NAV1: variants seen among roughly 807,000 people sequenced by gnomAD.
NAV1 encodes the protein neuron navigator 1.
Under a neutral mutation model 175.2 loss-of-function variants are expected in NAV1, and 18 were observed. That is an observed-to-expected ratio of 0.10 (90% CI 0.07 to 0.15). The LOEUF (loss-of-function observed/expected upper bound fraction) is 0.15. Among genes scored for constraint, NAV1 ranks in the 10% least tolerant of loss-of-function variants. The probability of loss-of-function intolerance (pLI) is 1.00; values close to 1 mark genes in which losing one functional copy is unlikely to be tolerated. For synonymous variants in NAV1, 897 were observed against 978.7 expected (o/e 0.92, Z 1.56); for missense variants, 1,731 against 2,436.6 (o/e 0.71, Z 6.10).
intron 3 of NAV1, among the ~76,000 whole-genome samples, chr1:201,761,329 G>C (rs1674827538): frequency 6.6e-6 from 1 of 152,194 alleles, no homozygotes; most frequent in South Asian, 2.1e-4. Context: ...TTTGGTTTGT[G>C]GTGGGAAGCT....
In NAV1 at chr1:201,539,910, A is replaced by G. The variant is rs1665455066; in HGVS notation, c.-144+568A>G. ...AAGCGCCCTCCCGCCAATCTCCCGG[A>G]GGCCGTCCTCTCTGGCGCCCGCCCA... On this transcript the variant is annotated intron_variant, in intron 1 of 33. Transcript: ENST00000685211. The surrounding 1 kb of genome is among the most constrained non-coding windows in gnomAD (Gnocchi z 5.6). 6.6e-6 allele frequency among the ~76,000 whole-genome samples: 1 copy of G among 152,110 alleles called. No individual in the cohort carries two copies. Among genetic ancestry groups the G allele is most frequent in the African/African-American group, 2.4e-5 (1 of 41,428 alleles).
intron 3 of NAV1, among the ~76,000 whole-genome samples, chr1:201,737,827 G>T (rs752371233): frequency 6.6e-6 from 1 of 152,204 alleles, no homozygotes; most frequent in Non-Finnish European, 1.5e-5. Context: ...CATTCCTTTG[G>T]CTGAGACAAA....
exon 15 of NAV1, chr1:201,794,567 C>T: frequency 6.2e-7 from 1 of 1,613,612 alleles, no homozygotes; most frequent in Non-Finnish European, 8.5e-7. Context: ...CCTCAGAAAC[C>T]ACACCCAAAG....
Position 201,750,507 on chromosome 1 carries a change from C to A in NAV1, c.1227-29914C>A, listed in dbSNP as rs566858207. 1.3e-4 allele frequency among the ~76,000 whole-genome samples: 20 copies of A among 152,164 alleles called. 1 individual carries two copies. Among genetic ancestry groups the A allele is most frequent in the Admixed American group, 1.2e-3 (19 of 15,266 alleles). ...TAAAATGTTAGTAAAAACGATTGCT[C>A]TTCTTAAAAAAGGGCTTGCAAGCCA... is the stretch of plus-strand genomic sequence containing the variant. On this transcript the variant is annotated intron_variant, in intron 3 of 29. Transcript: ENST00000367296. The surrounding 1 kb of genome is among the most constrained non-coding windows in gnomAD (Gnocchi z 4.1).
rs149017013 is a variant in NAV1 at position 201,717,058 on chromosome 1, A to G, written c.861-1332A>G. On this transcript the variant is annotated intron_variant, in intron 2 of 29. Coordinates refer to ENST00000367296, the Ensembl canonical transcript of NAV1. Reference sequence around the variant, plus strand: ...CAGGACCCCAGCACACTCAGTTTCAAGAGCGTTTGGATCCCTCAAGTTCTG... The same window carrying G: ...CAGGACCCCAGCACACTCAGTTTCAGGAGCGTTTGGATCCCTCAAGTTCTG... 2.9e-3 allele frequency among the ~76,000 whole-genome samples: 438 copies of G among 152,356 alleles called. 4 individuals carry two copies. Among genetic ancestry groups the G allele is most frequent in the Non-Finnish European group, 3.4e-3 (233 of 68,022 alleles).
chr1:201,612,501 G>A (rs1195992239), intron 2 of NAV1, among the ~76,000 whole-genome samples: 3 of 152,082 alleles, frequency 2.0e-5, no homozygotes, highest in African/African-American at 4.8e-5. Context: ...TATTGCTCAC[G>A]GTTCTGGAGG....
At chr1:201,781,801 A>G (rs1198282287) in intron 5 of NAV1, among the ~76,000 whole-genome samples, 1 of 152,202 alleles carries the variant, frequency 6.6e-6, no homozygotes, top group Non-Finnish European at 1.5e-5. Context: ...ATTTTCCTGT[A>G]GTCTCTAATT....
Position 201,782,550 on chromosome 1 carries a change from A to G in NAV1, c.2038A>G (p.Ser680Gly). ...CAGCCTGCCCCGGCCAGCCAAGTCA[A>G]GTTCTATGAGCGTGACCGGCGGGCG... Residue 680 changes from serine to glycine, a missense_variant, in exon 6 of 30, where the codon AGT (serine) becomes GGT (glycine). Coordinates refer to ENST00000367296, the Ensembl canonical transcript of NAV1. This position sits in a 1 kb window ranked among gnomAD's most constrained non-coding sequence, Gnocchi z 5.4. 6.2e-7 allele frequency: 1 copy of G among 1,611,638 alleles called. No individual in the cohort carries two copies. The highest frequency in any genetic ancestry group is 1.3e-5 in the African/African-American group (1 of 74,968).
intron 1 of NAV1, among the ~76,000 whole-genome samples, chr1:201,586,872 T>C (rs1365293793): frequency 4.6e-5 from 7 of 152,204 alleles, no homozygotes; most frequent in African/African-American, 1.7e-4. Context: ...AGATATACAT[T>C]TCAGTTCATA....
intron 1 of NAV1, among the ~76,000 whole-genome samples, chr1:201,666,676 C>T (rs939598504): frequency 1.3e-5 from 2 of 152,208 alleles, no homozygotes; most frequent in African/African-American, 2.4e-5. Context: ...TGTTGCCTAC[C>T]TGTACCCTGG....
At chr1:201,795,619 C>A (rs1373342257) in intron 15 of NAV1, 1 of 152,206 alleles carries the variant, frequency 6.6e-6, no homozygotes, top group Non-Finnish European at 1.5e-5. Flanking sequence ...ATTTCCACCT[C>A]CCTTTCACAC....
chr1:201,567,068 C>A (rs1267833317), intron 1 of NAV1, among the ~76,000 whole-genome samples: 4 of 152,020 alleles, frequency 2.6e-5, no homozygotes, highest in Non-Finnish European at 2.9e-5. Flanking sequence ...CCCCCCATCC[C>A]CAGCCACCGG....
upstream of NAV1, among the ~76,000 whole-genome samples, chr1:201,647,515 C>T (rs564232677): frequency 2.0e-5 from 3 of 152,272 alleles, no homozygotes; most frequent in East Asian, 3.9e-4. Context: ...ATGACTTTGA[C>T]AAGGTCACAT....
upstream of NAV1, among the ~76,000 whole-genome samples, chr1:201,617,943 G>T (rs146864755): frequency 6.6e-6 from 1 of 152,302 alleles, no homozygotes; most frequent in African/African-American, 2.4e-5. Context: ...GGGAAACAGA[G>T]CCTCAGAGCA....
rs568196038 is a variant in NAV1 at position 201,583,124 on chromosome 1, G to A, written c.-143-5415G>A. ...GTGTCTGAGTGGGGCCAACCATGGC[G>A]GCTCTACACCCTCTGGGGCTTGGCC... On this transcript the variant is annotated intron_variant, in intron 1 of 33. Coordinates refer to the NAV1 transcript ENST00000685211. 6.6e-5 allele frequency among the ~76,000 whole-genome samples: 10 copies of A among 151,974 alleles called. No homozygotes were observed. The South Asian group carries it at 1.5e-3, about 22-fold the overall frequency.
rs989538670 is a variant in NAV1 at position 201,750,512 on chromosome 1, TA to T, written c.1227-29903del. On this transcript the variant is annotated intron_variant, in intron 3 of 29. Transcript: ENST00000367296. This position sits in a 1 kb window ranked among gnomAD's most constrained non-coding sequence, Gnocchi z 4.1. Reference sequence around the variant, plus strand: ...TGTTAGTAAAAACGATTGCTCTTCTTAAAAAAGGGCTTGCAAGCCACCAGAT... The same window carrying T: ...TGTTAGTAAAAACGATTGCTCTTCTTAAAAAGGGCTTGCAAGCCACCAGAT... Among the ~76,000 whole-genome samples the T allele has an allele frequency of 8.5e-5, 13 of 152,154 alleles. No homozygotes were observed. Among genetic ancestry groups the T allele is most frequent in the African/African-American group, 2.9e-4 (12 of 41,524 alleles).
intron 1 of NAV1, among the ~76,000 whole-genome samples, chr1:201,666,448 T>C (rs1027201396): frequency 6.6e-5 from 10 of 152,194 alleles, no homozygotes; most frequent in African/African-American, 2.4e-5. Flanking sequence ...GGATGGTTTA[T>C]GAGGGCGGTC....
intron 1 of NAV1, among the ~76,000 whole-genome samples, chr1:201,551,402 C>A (rs901603787): frequency 6.6e-6 from 1 of 152,080 alleles, no homozygotes; most frequent in Non-Finnish European, 1.5e-5. Flanking sequence ...CTAACTTTTA[C>A]ATTTTTTGTA....
intron 3 of NAV1, among the ~76,000 whole-genome samples, chr1:201,761,005 T>C (rs1373978350): frequency 6.6e-6 from 1 of 152,214 alleles, no homozygotes; most frequent in Non-Finnish European, 1.5e-5. Context: ...TTCCCTTTTG[T>C]TTGTTTTTAG....
Sources: allele counts gnomAD v4.1 joint callset (sites outside exome capture counted in the v4.1 genomes callset), GRCh38; gene constraint gnomAD v4.1.1; non-coding constraint Gnocchi (gnomAD v3.1); transcripts MANE v1.5; gene names NCBI Gene and HGNC (gene_info 2026-07-23, HGNC 2026-07-21).